Variants in LHX6 observed in about 807,000 individuals in gnomAD.
LHX6 encodes LIM homeobox 6.
LHX6 carries 15 observed loss-of-function variants against 47.1 expected under a neutral mutation model. The ratio of observed to expected loss-of-function variants is 0.32; its 90% CI spans 0.21 to 0.49. The LOEUF (loss-of-function observed/expected upper bound fraction) is 0.49, where lower values mean the gene tolerates loss of function less well. Ranked by LOEUF, LHX6 falls within the 20% of genes least tolerant of loss-of-function variation. The pLI is 0.99. For missense variants in LHX6, 404 were observed against 539.6 expected, an observed-to-expected ratio of 0.75 and a Z score of 2.49; for synonymous variants, 242 against 233.5, an observed-to-expected ratio of 1.04 and a Z score of -0.33.
intron 8 of LHX6, among the ~76,000 whole-genome samples, chr9:122,212,945 G>A (rs1830448735): frequency 6.6e-6 from 1 of 152,106 alleles, no homozygotes; most frequent in Non-Finnish European, 1.5e-5. Context: ...TGACATCCCA[G>A]GTTACAGATG....
rs1169617928 is a variant in LHX6 at position 122,214,996 on chromosome 9, G to A, written c.683-613C>T. ...TCTGTAAGGTTTAATTTTGTTAACC[G>A]GCGTATATGTTAGATATTCTCTTTC... is the stretch of plus-strand genomic sequence containing the variant. On this transcript the variant is annotated intron_variant, in intron 5 of 9. Transcript: ENST00000394319. The surrounding 1 kb of genome is among the most constrained non-coding windows in gnomAD (Gnocchi z 4.6). Among the ~76,000 whole-genome samples the A allele has an allele frequency of 1.3e-5, 2 of 152,058 alleles. No individual in the cohort carries two copies. Among genetic ancestry groups the A allele is most frequent in the African/African-American group, 2.4e-5 (1 of 41,380 alleles).
rs1488459595 is a variant in LHX6 at position 122,214,413 on chromosome 9, G to A, written c.683-30C>T. On this transcript the variant is annotated intron_variant, in intron 5 of 9. Coordinates refer to ENST00000394319, the MANE Select transcript of LHX6 (RefSeq NM_014368.5). The surrounding 1 kb of genome is among the most constrained non-coding windows in gnomAD (Gnocchi z 4.6). ...GGGCGATAGAAGCAGCTGACCACGC[G>A]TCCCCATCTCTTCTAGTGGCAGCCT... The A allele has an allele frequency of 1.3e-6, 2 of 1,529,546 alleles. No homozygotes were observed. Among genetic ancestry groups the A allele is most frequent in the Non-Finnish European group, 1.7e-6 (2 of 1,143,850 alleles). 94.7% of individuals were successfully genotyped at this position (1,529,546 alleles called of 1,614,324 possible).
chr9:122,215,203 T>G (rs1375800534), intron 5 of LHX6, among the ~76,000 whole-genome samples: 1 of 152,224 alleles, frequency 6.6e-6, no homozygotes, highest in African/African-American at 2.4e-5. Context: ...TTATTGTAAC[T>G]TTTTAATTAG....
chr9:122,214,087 C>T lies in LHX6; in HGVS notation c.784-18G>A, dbSNP rs528471077. 5.0e-6 allele frequency: 8 copies of T among 1,591,936 alleles called. No individual in the cohort carries two copies. Among genetic ancestry groups the T allele is most frequent in the Non-Finnish European group, 6.8e-6 (8 of 1,174,446 alleles). On this transcript the variant is annotated intron_variant, in intron 6 of 9. Coordinates refer to ENST00000394319, the MANE Select transcript of LHX6 (RefSeq NM_014368.5). This position sits in a 1 kb window ranked among gnomAD's most constrained non-coding sequence, Gnocchi z 4.6. ...TGCATAACCTGCGGGGCGGGGAGGG[C>T]GGTGAGGCGCTCGCACGCAGAGACT...
Position 122,214,511 on chromosome 9 carries a change from C to A in LHX6, c.683-128G>T. On this transcript the variant is annotated intron_variant, in intron 5 of 9. Coordinates refer to ENST00000394319, the MANE Select transcript of LHX6 (RefSeq NM_014368.5). This position sits in a 1 kb window ranked among gnomAD's most constrained non-coding sequence, Gnocchi z 4.6. ...GGGAGTTGGCTGGGAGCAGGGATCC[C>A]AGGGTCCTAGTCCCTGAGCTCAGTC... The A allele has an allele frequency of 7.6e-7, 1 of 1,319,762 alleles. No homozygotes were observed. Among genetic ancestry groups the A allele is most frequent in the South Asian group, 1.7e-5 (1 of 60,266 alleles). The allele number at this position is 1,319,762 out of a possible 1,614,324, so 81.8% of individuals were successfully genotyped here.
chr9:122,221,373 G>A (rs1564443313), intron 4 of LHX6: 3 of 985,684 alleles, frequency 3.0e-6, no homozygotes, highest in South Asian at 9.4e-5. Context: ...TCTCTGCCGC[G>A]GTGGGGGGCC....
rs1830455307 is a variant in LHX6 at position 122,213,164 on chromosome 9, G to A, written c.1054+442C>T. Among the ~76,000 whole-genome samples, 2 of 151,900 alleles carry A rather than the reference G, an allele frequency of 1.3e-5. No individual in the cohort carries two copies. The highest frequency in any genetic ancestry group is 1.3e-4 in the Admixed American group (2 of 15,250). On this transcript the variant is annotated intron_variant, in intron 8 of 9. Transcript: ENST00000394319. This position sits in a 1 kb window ranked among gnomAD's most constrained non-coding sequence, Gnocchi z 5.5. ...TCTCTGCTTGCTGAAAGGCAGCCCA[G>A]CCCCTTCCCTTCCACCCCGCAGCAT...
rs553830896 is a variant in LHX6, at chr9:122,204,104, C to T, written c.*656G>A. ...CCAAACCAATGGGGGTCTTTCTTCTCCCCATTCCCTGTCTATCCCCGCTGC... is the reference window on the plus strand; with the variant it reads ...CCAAACCAATGGGGGTCTTTCTTCTTCCCATTCCCTGTCTATCCCCGCTGC... On this transcript the variant is annotated 3_prime_UTR_variant, in exon 10 of 10. Transcript: ENST00000394319. The T allele has an allele frequency of 1.3e-5, 2 of 152,538 alleles. No individual in the cohort carries two copies. Among genetic ancestry groups the T allele is most frequent in the African/African-American group, 4.8e-5 (2 of 41,560 alleles). 9.4% of individuals were successfully genotyped at this position (152,538 alleles called of 1,614,324 possible).
chr9:122,217,070 T>A lies in LHX6; in HGVS notation c.680A>T (p.Asn227Ile). Residue 227 changes from asparagine (N) to isoleucine (I), a missense_variant and splice_region_variant, in exon 5 of 10, where the codon AAC becomes ATC. Around this residue, in one of 7 missense-constraint regions of LHX6, gnomAD observed 43 missense variants for 84.7 expected, o/e 0.51. Coordinates refer to ENST00000394319, the MANE Select transcript of LHX6 (RefSeq NM_014368.5). This position sits in a 1 kb window ranked among gnomAD's most constrained non-coding sequence, Gnocchi z 4.9. ...GCCAGGCGGAGCAGGTTGGGTACCGTTCTCGGCGGCCCTCTTGAGGTTCTC... is the reference window on the plus strand; with the variant it reads ...GCCAGGCGGAGCAGGTTGGGTACCGATCTCGGCGGCCCTCTTGAGGTTCTC... ...MIENLKRAAENGNGLTLEGAV... is the reference protein window; with the variant it reads ...MIENLKRAAEIGNGLTLEGAV... 1 of 1,613,788 alleles carries A rather than the reference T, an allele frequency of 6.2e-7. No homozygotes were observed. The highest frequency in any genetic ancestry group is 8.5e-7 in the Non-Finnish European group (1 of 1,179,802).
intron 4 of LHX6, among the ~76,000 whole-genome samples, chr9:122,223,732 A>T (rs1041985256): frequency 6.6e-6 from 1 of 152,216 alleles, no homozygotes; most frequent in Non-Finnish European, 1.5e-5. Flanking sequence ...TGAACAGTGG[A>T]GTCAGGATCC....
At chr9:122,205,502 C>A (rs1394023026) in intron 9 of LHX6, among the ~76,000 whole-genome samples, 5 of 152,178 alleles carry the variant, frequency 3.3e-5, no homozygotes. Context: ...ACAGCCAGTT[C>A]CCTGAAGTTC....
chr9:122,228,501 T>TCG (rs1161675190), intron 1 of LHX6, 156 bp downstream of exon 1: 2 of 1,180,316 alleles, frequency 1.7e-6, no homozygotes, highest in East Asian at 3.4e-5. Context: ...CCCCCCCCGC[T>TCG]CGCGCGCGCG....
chr9:122,228,107 C>A (rs1588367955), intron 1 of LHX6: 2 of 564,046 alleles, frequency 3.5e-6, no homozygotes, highest in East Asian at 6.8e-5. Flanking sequence ...GGTGAGCACC[C>A]GCCCGCCCGC....
intron 1 of LHX6, chr9:122,227,703 G>T: frequency 1.1e-6 from 1 of 951,058 alleles, no homozygotes; most frequent in Non-Finnish European, 1.4e-6. Context: ...CCCTCTCCCT[G>T]CACTTAACCC....
chr9:122,208,031 C>T (rs1408607553), intron 9 of LHX6, among the ~76,000 whole-genome samples: 1 of 152,156 alleles, frequency 6.6e-6, no homozygotes, highest in Non-Finnish European at 1.5e-5. Context: ...CTCCAGGGAT[C>T]CCTGCTTCCT....
rs1388340056 is a variant in LHX6 at position 122,217,419 on chromosome 9, C to T, written c.462-131G>A. ...TCTTCAACTCAGGCATTAGCCTTAG[C>T]TTGGACGCAACAACACTCTACACCT... On this transcript the variant is annotated intron_variant, in intron 4 of 9. Transcript: ENST00000394319. The surrounding 1 kb of genome is among the most constrained non-coding windows in gnomAD (Gnocchi z 4.9). 5 of 672,146 alleles carry T rather than the reference C, an allele frequency of 7.4e-6. No homozygotes were observed. In the East Asian group the frequency reaches 1.4e-4, roughly 18 times the overall value. The allele number at this position is 672,146 out of a possible 1,614,324, so 41.6% of individuals were successfully genotyped here. A position where few individuals can be genotyped will look rare whatever the true frequency, so the allele number is the denominator to read the frequency against.
chr9:122,209,324 C>A (rs1830310057), intron 9 of LHX6, among the ~76,000 whole-genome samples: 1 of 152,204 alleles, frequency 6.6e-6, no homozygotes, highest in South Asian at 2.1e-4. Context: ...TATAAGCCCT[C>A]CCTGGAACTT....
intron 4 of LHX6, among the ~76,000 whole-genome samples, chr9:122,224,294 C>T (rs201568867): frequency 9.9e-5 from 15 of 152,092 alleles, no homozygotes; most frequent in Middle Eastern, 3.4e-3. Context: ...CAAAGTGCTG[C>T]GATTATAGGT....
chr9:122,214,183 CA>C lies in LHX6; in HGVS notation c.783+99del. 7.4e-7 allele frequency: 1 copy of C among 1,357,250 alleles called. No homozygotes were observed. Among genetic ancestry groups the C allele is most frequent in the Non-Finnish European group, 9.8e-7 (1 of 1,016,040 alleles). 84.1% of individuals were successfully genotyped at this position (1,357,250 alleles called of 1,614,324 possible). On this transcript the variant is annotated intron_variant, in intron 6 of 9. Coordinates refer to ENST00000394319, the MANE Select transcript of LHX6 (RefSeq NM_014368.5). This position sits in a 1 kb window ranked among gnomAD's most constrained non-coding sequence, Gnocchi z 4.6. ...CCAGGCAGCTGCGGCCCCGCCCCGC[CA>C]CCCGGGTCCGGCCCGAGGGGCGGAG...
Sources: allele counts gnomAD v4.1 joint callset (sites outside exome capture counted in the v4.1 genomes callset), GRCh38; gene constraint gnomAD v4.1.1; regional missense constraint gnomAD v4.1.1; non-coding constraint Gnocchi (gnomAD v3.1); transcripts MANE v1.5; gene names NCBI Gene and HGNC (gene_info 2026-07-23, HGNC 2026-07-21).